Variants in DSCAML1 observed in about 807,000 individuals in gnomAD.
DSCAML1 encodes cell adhesion molecule DSCAML1.
DSCAML1 carries 38 observed loss-of-function variants against 200.5 expected under a neutral mutation model. The ratio of observed to expected loss-of-function variants is 0.19; its 90% CI spans 0.15 to 0.25. The LOEUF is 0.25. Ranked by LOEUF, DSCAML1 falls within the 10% of genes least tolerant of loss-of-function variation. The pLI is 1.00. For missense variants in DSCAML1, 2,223 were observed against 2,858.8 expected (o/e 0.78, Z 5.07); for synonymous variants, 1,215 against 1,165.0 (o/e 1.04, Z -0.87).
intron 3 of DSCAML1, among the ~76,000 whole-genome samples, chr11:117,771,562 GC>G (rs1381746154): frequency 2.0e-5 from 3 of 152,160 alleles, no homozygotes; most frequent in African/African-American, 7.2e-5. Flanking sequence ...ACAGAGATGG[GC>G]CCTCCTCCTA....
intron 3 of DSCAML1, among the ~76,000 whole-genome samples, chr11:117,663,250 G>A (rs746534746): frequency 5.3e-5 from 8 of 152,126 alleles, no homozygotes; most frequent in Non-Finnish European, 1.2e-4. Context: ...CTGATCTCAC[G>A]GCTTACCTTG....
intron 3 of DSCAML1, among the ~76,000 whole-genome samples, chr11:117,740,329 C>T (rs1307854651): frequency 6.6e-6 from 1 of 152,218 alleles, no homozygotes; most frequent in Non-Finnish European, 1.5e-5. Flanking sequence ...CTGACTCTGA[C>T]TTCAAAGTTC....
intron 3 of DSCAML1, among the ~76,000 whole-genome samples, chr11:117,698,530 C>T (rs2053619555): frequency 6.6e-6 from 1 of 152,190 alleles, no homozygotes; most frequent in Non-Finnish European, 1.5e-5. Flanking sequence ...ATCAATAGTG[C>T]ACAAGGGTCC....
At chr11:117,705,925 C>T (rs1436529654) in intron 3 of DSCAML1, among the ~76,000 whole-genome samples, 1 of 152,088 alleles carries the variant, frequency 6.6e-6, no homozygotes, top group Non-Finnish European at 1.5e-5. Context: ...TGTCCAGCGC[C>T]CTGGGTAGAA....
In DSCAML1 at chr11:117,498,905, G is replaced by A. The variant is rs2049343335; in HGVS notation, c.2359+4940C>T. 6.6e-6 allele frequency among the ~76,000 whole-genome samples: 1 copy of A among 152,202 alleles called. No individual in the cohort carries two copies. Among genetic ancestry groups the A allele is most frequent in the Non-Finnish European group, 1.5e-5 (1 of 68,044 alleles). On this transcript the variant is annotated intron_variant, in intron 11 of 32. Coordinates refer to ENST00000651296, the MANE Select transcript of DSCAML1 (RefSeq NM_020693.4). This position sits in a 1 kb window ranked among gnomAD's most constrained non-coding sequence, Gnocchi z 4.0. ...AGCCCTTATGGGTTTAATTGGCCAT[G>A]GGCTTTGTCTAGAACCCAATCACTG...
chr11:117,661,521 G>T (rs1443977049), intron 3 of DSCAML1, among the ~76,000 whole-genome samples: 1 of 152,150 alleles, frequency 6.6e-6, no homozygotes, highest in African/African-American at 2.4e-5. Context: ...TAACTAGAGG[G>T]GAAGGATACA....
At chr11:117,652,595 A>T (rs1234701386) in intron 3 of DSCAML1, among the ~76,000 whole-genome samples, 1 of 152,234 alleles carries the variant, frequency 6.6e-6, no homozygotes, top group Admixed American at 6.5e-5. Flanking sequence ...GAAGAGGTAG[A>T]GGAGAGATGG....
Position 117,428,214 on chromosome 11 carries a change from C to G in DSCAML1, c.*114G>C. 1.5e-6 allele frequency: 1 copy of G among 675,766 alleles called. No individual in the cohort carries two copies. Among genetic ancestry groups the G allele is most frequent in the South Asian group, 1.7e-5 (1 of 58,258 alleles). The allele number at this position is 675,766 out of a possible 1,614,324, so 41.9% of individuals were successfully genotyped here. A position where few individuals can be genotyped will look rare whatever the true frequency, so the allele number is the denominator to read the frequency against. Reference sequence around the variant, plus strand: ...TCATGATTGGGGGTTTTTGTTTTGTCGTTGGTTGGTTTTTGTCTGTCAGTT... The same window carrying G: ...TCATGATTGGGGGTTTTTGTTTTGTGGTTGGTTGGTTTTTGTCTGTCAGTT... On this transcript the variant is annotated 3_prime_UTR_variant, in exon 33 of 33. Transcript: ENST00000651296.
chr11:117,771,613 G>A (rs1313867441), intron 3 of DSCAML1, among the ~76,000 whole-genome samples: 1 of 152,212 alleles, frequency 6.6e-6, no homozygotes, highest in African/African-American at 2.4e-5. Flanking sequence ...ATGATTCCCA[G>A]TCTGCTCCAG....
At chr11:117,629,608 T>C (rs78470936) in intron 3 of DSCAML1, among the ~76,000 whole-genome samples, 1 of 151,146 alleles carries the variant, frequency 6.6e-6, no homozygotes, top group African/African-American at 2.4e-5. Context: ...ACGGGAGAGA[T>C]GGACAGAGAC....
intron 1 of DSCAML1, among the ~76,000 whole-genome samples, chr11:117,807,654 G>T (rs2055718290): frequency 6.6e-6 from 1 of 152,222 alleles, no homozygotes; most frequent in Non-Finnish European, 1.5e-5. Flanking sequence ...CACAGTACCT[G>T]CCATGGCCAG....
Position 117,437,038 on chromosome 11 carries a change from C to T in DSCAML1, c.4720+84G>A. ...TGCCTGTTTTTCTATTAGTCTGTCT[C>T]TTTATGTATCTGCCACTCTGCCCAC... On this transcript the variant is annotated intron_variant, in intron 26 of 32. Coordinates refer to ENST00000651296, the MANE Select transcript of DSCAML1 (RefSeq NM_020693.4). This position sits in a 1 kb window ranked among gnomAD's most constrained non-coding sequence, Gnocchi z 5.3. 2 of 1,513,544 alleles carry T rather than the reference C, an allele frequency of 1.3e-6. No homozygotes were observed. The highest frequency in any genetic ancestry group is 1.8e-6 in the Non-Finnish European group (2 of 1,125,556). 93.8% of individuals were successfully genotyped at this position (1,513,544 alleles called of 1,614,324 possible).
intron 3 of DSCAML1, among the ~76,000 whole-genome samples, chr11:117,690,882 C>A (rs1459772118): frequency 6.6e-6 from 1 of 152,174 alleles, no homozygotes; most frequent in East Asian, 1.9e-4. Flanking sequence ...TCCATCAGAG[C>A]AGCTGCCTTG....
At chr11:117,796,980 C>CGCGCCACCCTGGCCCCGCCGCCT in intron 1 of DSCAML1, 54 bp downstream of exon 1, 1 of 1,244,562 alleles carries the variant, frequency 8.0e-7, no homozygotes, top group Non-Finnish European at 1.0e-6. Context: ...CGCCGCCAGC[C>CGCGCCACCCTGGCCCCGCCGCCT]GCGCCACCCT....
At chr11:117,519,029 T>C (rs935538999) in intron 6 of DSCAML1, among the ~76,000 whole-genome samples, 1 of 152,236 alleles carries the variant, frequency 6.6e-6, no homozygotes, top group African/African-American at 2.4e-5. Flanking sequence ...CTGAGTCTTT[T>C]GTCTCATGGA....
chr11:117,471,796 C>A (rs2048691374), intron 15 of DSCAML1, 73 bp downstream of exon 15: 1 of 1,519,994 alleles, frequency 6.6e-7, no homozygotes, highest in Admixed American at 1.9e-5. Context: ...TGCCAGTGAA[C>A]AGGATCGCTG....
At chr11:117,763,786 T>C (rs1452204983) in intron 3 of DSCAML1, among the ~76,000 whole-genome samples, 1 of 151,950 alleles carries the variant, frequency 6.6e-6, no homozygotes, top group Non-Finnish European at 1.5e-5. Context: ...GGGGTCAGGG[T>C]TGGACACTGG....
At chr11:117,531,676 G>A (rs2050078857) in intron 4 of DSCAML1, among the ~76,000 whole-genome samples, 1 of 151,976 alleles carries the variant, frequency 6.6e-6, no homozygotes, top group South Asian at 2.1e-4. Context: ...CTGAGGTCAG[G>A]AGTTCAAGAC....
At chr11:117,499,739 C>A (rs1226579971) in intron 11 of DSCAML1, among the ~76,000 whole-genome samples, 3 of 152,210 alleles carry the variant, frequency 2.0e-5, no homozygotes, top group African/African-American at 7.2e-5. Flanking sequence ...TCAACCCACA[C>A]CAAGACTCAG....
Sources: gnomAD v4.1 joint callset for allele counts (sites outside exome capture counted in the v4.1 genomes callset) on GRCh38, gnomAD v4.1.1 for gene constraint, Gnocchi (gnomAD v3.1) non-coding constraint, MANE v1.5 for transcripts, NCBI Gene and HGNC (gene_info 2026-07-23, HGNC 2026-07-21) for gene names.